Variants in DNAJC3 observed in about 807,000 individuals in gnomAD.
DNAJC3 encodes the protein dnaJ homolog subfamily C member 3.
Under a neutral mutation model 68.6 loss-of-function variants are expected in DNAJC3, and 38 were observed. The observed-to-expected ratio is 0.55, with a 90% confidence interval of 0.43 to 0.73. DNAJC3 has a LOEUF of 0.73. Among genes scored for constraint, DNAJC3 ranks in the 30% least tolerant of loss-of-function variants. The probability of loss-of-function intolerance (pLI) is 0.00; values close to 1 mark genes in which losing one functional copy is unlikely to be tolerated. For missense variants in DNAJC3, 526 were observed against 591.9 expected (o/e 0.89, Z 1.16); for synonymous variants, 203 against 204.0 (o/e 1.00, Z 0.04).
chr13:95,750,724 T>C (rs1045379624), intron 4 of DNAJC3, among the ~76,000 whole-genome samples: 3 of 152,002 alleles, frequency 2.0e-5, no homozygotes, highest in African/African-American at 7.2e-5. Context: ...TTGGCCAGGC[T>C]GGTCTCAAAC....
At chr13:95,767,380 A>T (rs984273970) in intron 9 of DNAJC3, among the ~76,000 whole-genome samples, 1 of 152,194 alleles carries the variant, frequency 6.6e-6, no homozygotes, top group African/African-American at 2.4e-5. Context: ...GCTGAATAGT[A>T]TTCCATTGTA....
chr13:95,742,058 G>A (rs928215514), intron 4 of DNAJC3, among the ~76,000 whole-genome samples: 6 of 152,214 alleles, frequency 3.9e-5, no homozygotes, highest in Non-Finnish European at 7.3e-5. Context: ...TGGGTAAGGC[G>A]GGGATTTTTT....
At chr13:95,696,496 T>A (rs941780007) in intron 1 of DNAJC3, among the ~76,000 whole-genome samples, 1 of 152,222 alleles carries the variant, frequency 6.6e-6, no homozygotes, top group African/African-American at 2.4e-5. Context: ...GGGAGCACTG[T>A]CATGCATTTG....
chr13:95,679,427 T>G (rs1308481202), intron 1 of DNAJC3, among the ~76,000 whole-genome samples: 1 of 152,102 alleles, frequency 6.6e-6, no homozygotes. Flanking sequence ...ACTGGTGTAA[T>G]AAATTATATA....
chr13:95,715,483 C>CTTT (rs374834820), intron 2 of DNAJC3, among the ~76,000 whole-genome samples: 2 of 139,012 alleles, frequency 1.4e-5, no homozygotes, highest in African/African-American at 5.3e-5. Flanking sequence ...GTTTCTTTTT[C>CTTT]TTTTTTTTTT....
At chr13:95,783,135 T>C (rs1883501653) in intron 9 of DNAJC3, among the ~76,000 whole-genome samples, 1 of 152,202 alleles carries the variant, frequency 6.6e-6, no homozygotes, top group Non-Finnish European at 1.5e-5. Context: ...TTTTAGATGC[T>C]CTCTTAGAGT....
intron 7 of DNAJC3, among the ~76,000 whole-genome samples, chr13:95,762,649 T>C (rs1882860430): frequency 6.6e-6 from 1 of 152,188 alleles, no homozygotes; most frequent in African/African-American, 2.4e-5. Context: ...ATGTGCAGAA[T>C]GTGGAGGTTT....
intron 4 of DNAJC3, among the ~76,000 whole-genome samples, chr13:95,736,119 A>G (rs891196423): frequency 6.6e-6 from 1 of 152,106 alleles, no homozygotes; most frequent in Non-Finnish European, 1.5e-5. Flanking sequence ...TTTGTCAAAG[A>G]TCAGATAGTT....
At chr13:95,748,605 C>G (rs989663215) in intron 4 of DNAJC3, among the ~76,000 whole-genome samples, 2 of 152,130 alleles carry the variant, frequency 1.3e-5, no homozygotes, top group African/African-American at 4.8e-5. Context: ...CACCTGAGCT[C>G]AGGAGTTTGA....
rs578120452 is a variant in DNAJC3 at position 95,695,764 on chromosome 13, C to G, written c.83-13463C>G. 3.3e-5 allele frequency: 5 copies of G among 152,336 alleles called. No individual in the cohort carries two copies. In the East Asian group the frequency reaches 9.6e-4, roughly 29 times the overall value. 9.4% of individuals were successfully genotyped at this position (152,336 alleles called of 1,614,324 possible). ...CTTCTAAACCAGAAATGGAGAGTCTCTCCCCAGGACAACTCGGAGAAAAAG... is the reference window on the plus strand; with the variant it reads ...CTTCTAAACCAGAAATGGAGAGTCTGTCCCCAGGACAACTCGGAGAAAAAG... On this transcript the variant is annotated intron_variant, in intron 1 of 11. Transcript: ENST00000602402.
intron 4 of DNAJC3, chr13:95,745,234 A>G (rs998373351): frequency 1.3e-5 from 2 of 152,238 alleles, no homozygotes; most frequent in Admixed American, 6.5e-5. Context: ...TGTTAAATTA[A>G]TATGATATGA....
At chr13:95,720,454 C>T (rs1284089394) in intron 2 of DNAJC3, among the ~76,000 whole-genome samples, 1 of 152,172 alleles carries the variant, frequency 6.6e-6, no homozygotes, top group Non-Finnish European at 1.5e-5. Flanking sequence ...CCACTGTTGA[C>T]ACGCAGTGAA....
intron 9 of DNAJC3, among the ~76,000 whole-genome samples, chr13:95,774,015 G>A (rs539646918): frequency 1.1e-4 from 17 of 152,306 alleles, no homozygotes; most frequent in South Asian, 8.3e-4. Context: ...GATTACAGGC[G>A]TGAGCCACGG....
In DNAJC3 at chr13:95,792,081, C is replaced by G. The variant is rs1361196212; in HGVS notation, c.*1051C>G. On this transcript the variant is annotated 3_prime_UTR_variant, in exon 12 of 12. Coordinates refer to ENST00000602402, the MANE Select transcript of DNAJC3 (RefSeq NM_006260.5). ...CTGCTGGTATGTGTTAAACAGCAGA[C>G]CGGCCCTTCTACCAGATCTTGATGC... The G allele has an allele frequency of 6.6e-6, 1 of 152,202 alleles. No homozygotes were observed. The highest frequency in any genetic ancestry group is 6.5e-5 in the Admixed American group (1 of 15,286). 9.4% of individuals were successfully genotyped at this position (152,202 alleles called of 1,614,324 possible).
chr13:95,759,908 G>T, intron 5 of DNAJC3, 132 bp from the exon 6 acceptor site: 1 of 813,418 alleles, frequency 1.2e-6, no homozygotes, highest in South Asian at 4.1e-5. Flanking sequence ...AATAATATTT[G>T]CACTATATAA....
intron 9 of DNAJC3, among the ~76,000 whole-genome samples, chr13:95,775,964 C>T (rs1182132408): frequency 2.0e-5 from 3 of 151,926 alleles, no homozygotes; most frequent in African/African-American, 2.4e-5. Context: ...GAATGAGATC[C>T]GCTCTCTGTG....
chr13:95,733,294 C>G (rs1419514701), intron 4 of DNAJC3, among the ~76,000 whole-genome samples: 4 of 152,078 alleles, frequency 2.6e-5, no homozygotes, highest in Non-Finnish European at 4.4e-5. Context: ...TAATATTTGC[C>G]TTAACATATG....
At chr13:95,755,878 C>A (rs1490248729) in intron 4 of DNAJC3, among the ~76,000 whole-genome samples, 1 of 150,756 alleles carries the variant, frequency 6.6e-6, no homozygotes, top group Non-Finnish European at 1.5e-5. Flanking sequence ...GTTTCTCCAA[C>A]TCCTTTCTTA....
intron 1 of DNAJC3, among the ~76,000 whole-genome samples, chr13:95,684,891 T>C (rs909976815): frequency 1.1e-4 from 17 of 152,242 alleles, no homozygotes; most frequent in African/African-American, 3.9e-4. Flanking sequence ...AATTGAGGCT[T>C]GGGAGCCTCA....
Sources: gnomAD v4.1 joint callset for allele counts (sites outside exome capture counted in the v4.1 genomes callset) on GRCh38, gnomAD v4.1.1 for gene constraint, MANE v1.5 for transcripts, NCBI Gene and HGNC (gene_info 2026-07-23, HGNC 2026-07-21) for gene names.